Variants in TNIP3 observed in about 807,000 individuals in gnomAD.
TNIP3 encodes the protein TNFAIP3 interacting protein 3.
In TNIP3, 34 loss-of-function variants were observed where a neutral mutation model predicts 54.1. That is an observed-to-expected ratio of 0.63 (90% CI 0.48 to 0.84). The LOEUF (loss-of-function observed/expected upper bound fraction) is 0.84, where lower values mean the gene tolerates loss of function less well. TNIP3 is among the 40% of genes least tolerant of loss of function. TNIP3 has a pLI of 0.00. For synonymous variants in TNIP3, 134 were observed against 136.8 expected (o/e 0.98, Z 0.14); for missense variants, 366 against 387.6 (o/e 0.94, Z 0.47).
intron 9 of TNIP3, among the ~76,000 whole-genome samples, 162 bp downstream of exon 9, chr4:121,141,654 A>G (rs1211208986): frequency 6.6e-6 from 1 of 152,226 alleles, no homozygotes; most frequent in East Asian, 1.9e-4. Context: ...TGTCCCAAAG[A>G]TAATTCTAGT....
rs1730168953 is a variant in TNIP3, at chr4:121,157,222, G to GTT, written c.233_234dup (p.Leu79AsnfsTer35). 6.2e-7 allele frequency: 1 copy of GTT among 1,614,012 alleles called. No homozygotes were observed. Among genetic ancestry groups the GTT allele is most frequent in the African/African-American group, 1.3e-5 (1 of 74,896 alleles). On this transcript the variant is annotated frameshift_variant, in exon 4 of 11. Coordinates refer to ENST00000057513, the MANE Select transcript of TNIP3 (RefSeq NM_024873.6). LOFTEE classifies it high-confidence loss of function. Reference sequence around the variant, plus strand: ...CTGAGGAATCTTTCCGCGGCGTCCAGTTTCGTCTTCAGCTCTGCTACCTGA... The same window carrying GTT: ...CTGAGGAATCTTTCCGCGGCGTCCAGTTTTTCGTCTTCAGCTCTGCTACCTGA...
Position 121,185,344 on chromosome 4 carries a change from T to C in TNIP3, c.69-2548A>G, listed in dbSNP as rs540307741. ...ACTTCATTCAGTGCTGGCTTAAATG[T>C]CACTTTATGGCGAAAGCCTCTGCTG... On this transcript the variant is annotated intron_variant, in intron 2 of 12. Coordinates refer to the TNIP3 transcript ENST00000507879. Among the ~76,000 whole-genome samples, 96 of 152,374 alleles carry C rather than the reference T, an allele frequency of 6.3e-4. 1 individual carries two copies. Among genetic ancestry groups the C allele is most frequent in the Non-Finnish European group, 1.2e-3 (83 of 68,038 alleles).
intron 3 of TNIP3, among the ~76,000 whole-genome samples, chr4:121,179,562 T>C (rs1226693299): frequency 4.6e-5 from 7 of 152,204 alleles, no homozygotes; most frequent in African/African-American, 1.7e-4. Flanking sequence ...TAACCACTTT[T>C]AGGTTTTCAG....
At chr4:121,214,981 C>T (rs1579506389) in intron 2 of TNIP3, among the ~76,000 whole-genome samples, 1 of 152,068 alleles carries the variant, frequency 6.6e-6, no homozygotes, top group African/African-American at 2.4e-5. Flanking sequence ...AAGTATAGTG[C>T]ACAGGAAAAT....
At chr4:121,194,274 A>G (rs561949056) in intron 2 of TNIP3, among the ~76,000 whole-genome samples, 1 of 152,300 alleles carries the variant, frequency 6.6e-6, no homozygotes, top group East Asian at 1.9e-4. Flanking sequence ...TGAGGAAAAA[A>G]ATATTTTTGT....
intron 10 of TNIP3, among the ~76,000 whole-genome samples, chr4:121,137,115 C>T (rs1255472444): frequency 6.6e-6 from 1 of 152,172 alleles, no homozygotes; most frequent in Middle Eastern, 3.4e-3. Flanking sequence ...ATTGGTCCAG[C>T]AAGAATCTAA....
intron 3 of TNIP3, among the ~76,000 whole-genome samples, chr4:121,157,532 G>A (rs1490955482): frequency 6.6e-6 from 1 of 152,102 alleles, no homozygotes; most frequent in African/African-American, 2.4e-5. Flanking sequence ...CCCACCCAGG[G>A]GAATCTGTAG....
chr4:121,184,135 C>CTT (rs1724872874), intron 2 of TNIP3, among the ~76,000 whole-genome samples: 1 of 150,776 alleles, frequency 6.6e-6, no homozygotes, highest in Non-Finnish European at 1.5e-5. Flanking sequence ...ATTTTTTTTT[C>CTT]TTTCTCTCTC....
chr4:121,210,590 C>T (rs1434091087), intron 2 of TNIP3, among the ~76,000 whole-genome samples: 2 of 152,168 alleles, frequency 1.3e-5, no homozygotes, highest in African/African-American at 2.4e-5. Flanking sequence ...ATTTATTTCT[C>T]ACAGTTCTGA....
chr4:121,212,664 G>A (rs1726538059), intron 2 of TNIP3, among the ~76,000 whole-genome samples: 1 of 152,120 alleles, frequency 6.6e-6, no homozygotes, highest in Non-Finnish European at 1.5e-5. Context: ...CAAACTATAA[G>A]GTTCTCTTCT....
Position 121,157,128 on chromosome 4 carries a change from C to T in TNIP3, c.329G>A (p.Arg110His). ...DDRQREDDRQ[R>H]DLTRDRLQRE... is the part of the protein sequence containing the mutation. ...CTGCAGCCGGTCCCGGGTCAGGTCG[C>T]GCTGCCTGTCGTCCTCTCTCTGCCT... Residue 110 changes from arginine (R) to histidine (H), a missense_variant, in exon 4 of 11, where the codon CGC becomes CAC. Arg to His is a conservative substitution (Grantham distance 29). Coordinates refer to ENST00000057513, the MANE Select transcript of TNIP3 (RefSeq NM_024873.6). 1.2e-6 allele frequency: 2 copies of T among 1,614,096 alleles called. No homozygotes were observed. The highest frequency in any genetic ancestry group is 1.7e-6 in the Non-Finnish European group (2 of 1,180,020).
intron 3 of TNIP3, among the ~76,000 whole-genome samples, chr4:121,180,354 C>T (rs965396027): frequency 6.6e-6 from 1 of 151,894 alleles, no homozygotes; most frequent in Non-Finnish European, 1.5e-5. Flanking sequence ...GAGCCGAGAT[C>T]GCACCACTGC....
At chr4:121,169,881 G>A (rs1730975609) in intron 3 of TNIP3, among the ~76,000 whole-genome samples, 2 of 152,226 alleles carry the variant, frequency 1.3e-5, no homozygotes, top group South Asian at 4.1e-4. Context: ...TAGCGAGGTT[G>A]TTTGCAGTCT....
chr4:121,143,008 T>C (rs1729212572), intron 7 of TNIP3, among the ~76,000 whole-genome samples: 1 of 152,218 alleles, frequency 6.6e-6, no homozygotes, highest in East Asian at 1.9e-4. Context: ...CAATTCTGTT[T>C]TAGGTAGATC....
chr4:121,161,295 A>C, intron 1 of TNIP3, 79 bp from the exon 2 acceptor site: 1 of 1,285,290 alleles, frequency 7.8e-7, no homozygotes. Context: ...CAGAAACCCC[A>C]TGCATTTGGC....
intron 2 of TNIP3, among the ~76,000 whole-genome samples, chr4:121,188,255 T>A (rs1295082898): frequency 6.6e-6 from 1 of 152,036 alleles, no homozygotes; most frequent in Non-Finnish European, 1.5e-5. Context: ...GATATTAATA[T>A]GAATTAGATG....
At chr4:121,164,406 G>A (rs1026528409), upstream of TNIP3, 23 of 1,132,074 alleles carry the variant, frequency 2.0e-5, no homozygotes, top group East Asian at 4.4e-5. Context: ...TAGGCAGGCC[G>A]TGACTAAGAC....
chr4:121,165,803 A>T (rs1301473377), upstream of TNIP3, among the ~76,000 whole-genome samples: 1 of 152,140 alleles, frequency 6.6e-6, no homozygotes, highest in Non-Finnish European at 1.5e-5. Flanking sequence ...TTGTTCATTC[A>T]GGGTTCTGAA....
intron 3 of TNIP3, among the ~76,000 whole-genome samples, chr4:121,175,437 G>A (rs1724249597): frequency 2.0e-5 from 3 of 151,994 alleles, no homozygotes; most frequent in Admixed American, 2.0e-4. Context: ...TCAAGTCTTG[G>A]TTGCTTCCCC....
Sources: gnomAD v4.1 joint callset for allele counts (sites outside exome capture counted in the v4.1 genomes callset) on GRCh38, gnomAD v4.1.1 for gene constraint, MANE v1.5 for transcripts, NCBI Gene and HGNC (gene_info 2026-07-23, HGNC 2026-07-21) for gene names.